Variants in PTPRK observed in about 807,000 individuals in gnomAD.
PTPRK encodes receptor-type tyrosine-protein phosphatase kappa.
A neutral mutation model predicts 178.0 loss-of-function variants in PTPRK; 75 were observed. The observed-to-expected ratio is 0.42, with a 90% CI of 0.35 to 0.51. The LOEUF (loss-of-function observed/expected upper bound fraction) is 0.51, where lower values mean the gene tolerates loss of function less well. Ranked by LOEUF, PTPRK falls within the 20% of genes least tolerant of loss-of-function variation. The pLI, the probability that PTPRK is intolerant of heterozygous loss-of-function variation, is 0.02. For missense variants in PTPRK, 1,441 were observed against 1,797.8 expected (o/e 0.80, Z 3.59); for synonymous variants, 637 against 620.6 (o/e 1.03, Z -0.39).
chr6:128,236,764 T>G (rs1477313802), intron 5 of PTPRK, among the ~76,000 whole-genome samples: 1 of 152,194 alleles, frequency 6.6e-6, no homozygotes, highest in Non-Finnish European at 1.5e-5. Flanking sequence ...TATAAAAACA[T>G]TCGATGTTGT....
At chr6:128,368,346 T>C (rs1400190602) in intron 2 of PTPRK, among the ~76,000 whole-genome samples, 1 of 148,040 alleles carries the variant, frequency 6.8e-6, no homozygotes, top group Non-Finnish European at 1.5e-5. Flanking sequence ...GGAATTCCAA[T>C]AAAAGGAGAG....
At chr6:128,285,252 C>T (rs1165978225) in intron 3 of PTPRK, among the ~76,000 whole-genome samples, 1 of 151,808 alleles carries the variant, frequency 6.6e-6, no homozygotes, top group Non-Finnish European at 1.5e-5. Flanking sequence ...TGGTGGCTTG[C>T]GCCTGTAATT....
intron 1 of PTPRK, among the ~76,000 whole-genome samples, chr6:128,509,608 A>G (rs1856883984): frequency 6.6e-6 from 1 of 152,174 alleles, no homozygotes; most frequent in Non-Finnish European, 1.5e-5. Context: ...TTTCACATAT[A>G]TTATTCATTT....
chr6:128,296,986 C>T (rs563570969), intron 3 of PTPRK, among the ~76,000 whole-genome samples: 343 of 151,568 alleles, frequency 2.3e-3, no homozygotes, highest in African/African-American at 7.4e-3. Context: ...ACCCATCTCA[C>T]GTGCAGAGAC....
At chr6:128,243,526 AAAG>A (rs1234873543) in intron 3 of PTPRK, among the ~76,000 whole-genome samples, 1 of 151,254 alleles carries the variant, frequency 6.6e-6, no homozygotes, top group Non-Finnish European at 1.5e-5. Flanking sequence ...AAAGAAAAGA[AAAG>A]AAAAAGATTA....
At chr6:128,122,345 A>C (rs1409430042) in intron 7 of PTPRK, among the ~76,000 whole-genome samples, 1 of 152,134 alleles carries the variant, frequency 6.6e-6, no homozygotes, top group Non-Finnish European at 1.5e-5. Context: ...TTAATAGAGA[A>C]GATAAGAGTA....
chr6:128,486,488 T>G (rs545894084), intron 1 of PTPRK, among the ~76,000 whole-genome samples: 1 of 152,246 alleles, frequency 6.6e-6, no homozygotes, highest in African/African-American at 2.4e-5. Context: ...ATATCTATAC[T>G]CTGATTATAA....
intron 2 of PTPRK, among the ~76,000 whole-genome samples, chr6:128,364,483 A>T (rs1231351595): frequency 6.6e-6 from 1 of 152,060 alleles, no homozygotes; most frequent in Non-Finnish European, 1.5e-5. Context: ...CCTGAATGCA[A>T]ACATTTCAGT....
At chr6:128,487,063 G>A (rs191268171) in intron 1 of PTPRK, among the ~76,000 whole-genome samples, 11 of 149,412 alleles carry the variant, frequency 7.4e-5, no homozygotes, top group Middle Eastern at 3.4e-3. Flanking sequence ...AACTGAACCA[G>A]GGAATGTTAA....
intron 3 of PTPRK, among the ~76,000 whole-genome samples, chr6:128,259,829 A>C (rs1426448758): frequency 3.3e-5 from 5 of 152,208 alleles, no homozygotes; most frequent in Non-Finnish European, 5.9e-5. Flanking sequence ...ATTTAAAGAA[A>C]GTTAAAAGGA....
chr6:128,397,249 G>T (rs897963690), intron 2 of PTPRK, among the ~76,000 whole-genome samples: 3 of 151,870 alleles, frequency 2.0e-5, no homozygotes, highest in African/African-American at 7.3e-5. Context: ...CCACATTTGA[G>T]AATTTTTTGG....
At chr6:128,138,502 T>A (rs960701662) in intron 7 of PTPRK, among the ~76,000 whole-genome samples, 13 of 152,104 alleles carry the variant, frequency 8.5e-5, no homozygotes, top group African/African-American at 3.1e-4. Context: ...ACCTTAAAGA[T>A]TATTGTCCTA....
At chr6:128,184,367 A>G in intron 7 of PTPRK, 65 bp downstream of exon 7, 2 of 1,465,732 alleles carry the variant, frequency 1.4e-6, no homozygotes, top group Non-Finnish European at 1.9e-6. Flanking sequence ...TCAACACTGC[A>G]TGTATTAATG....
intron 1 of PTPRK, among the ~76,000 whole-genome samples, chr6:128,465,895 G>A (rs1849786661): frequency 6.6e-6 from 1 of 152,172 alleles, no homozygotes; most frequent in African/African-American, 2.4e-5. Flanking sequence ...CCATATGTGA[G>A]CAGAGGGTCC....
At chr6:128,436,390 CAG>C (rs1254109870) in intron 1 of PTPRK, among the ~76,000 whole-genome samples, 1 of 152,156 alleles carries the variant, frequency 6.6e-6, no homozygotes, top group Non-Finnish European at 1.5e-5. Flanking sequence ...GAGGAATATT[CAG>C]AGACACATAT....
intron 1 of PTPRK, among the ~76,000 whole-genome samples, chr6:128,509,651 CAA>C (rs1479518751): frequency 3.3e-5 from 5 of 151,972 alleles, no homozygotes; most frequent in Non-Finnish European, 5.9e-5. Context: ...GTAGACTAGA[CAA>C]GACATTAAAG....
In PTPRK at chr6:128,178,574, A is replaced by G. The variant is rs1171406031; in HGVS notation, c.1162+5858T>C. 2.6e-5 allele frequency among the ~76,000 whole-genome samples: 4 copies of G among 151,908 alleles called. No individual in the cohort carries two copies. In the East Asian group the frequency reaches 7.7e-4, roughly 29 times the overall value. ...TCCCCTTATAAAAGTAACCTTCCTGATTATTATGAATGATAATATTTTCCA... is the reference window on the plus strand; with the variant it reads ...TCCCCTTATAAAAGTAACCTTCCTGGTTATTATGAATGATAATATTTTCCA... On this transcript the variant is annotated intron_variant, in intron 7 of 29. Transcript: ENST00000368226.
chr6:128,189,235 C>CTTTTTTTTTTTTT (rs71028115), intron 6 of PTPRK, among the ~76,000 whole-genome samples: 1 of 67,466 alleles, frequency 1.5e-5, no homozygotes, highest in African/African-American at 6.1e-5. Flanking sequence ...TACTCTTTTT[C>CTTTTTTTTTTTTT]TTTTTTTTTT....
intron 7 of PTPRK, among the ~76,000 whole-genome samples, chr6:128,123,758 A>G (rs1440326070): frequency 6.6e-6 from 1 of 152,112 alleles, no homozygotes; most frequent in Non-Finnish European, 1.5e-5. Context: ...CAGACTTCCC[A>G]TGTTTATAGG....
Sources: allele counts gnomAD v4.1 joint callset (sites outside exome capture counted in the v4.1 genomes callset), GRCh38; gene constraint gnomAD v4.1.1; transcripts MANE v1.5; gene names NCBI Gene and HGNC (gene_info 2026-07-23, HGNC 2026-07-21).